TBC1D5: variants seen among roughly 807,000 people sequenced by gnomAD.
TBC1D5 encodes the protein TBC1 domain family member 5, also known as TBC1 domain family, member 5.
A neutral mutation model predicts 100.3 loss-of-function variants in TBC1D5; 75 were observed. The ratio of observed to expected loss-of-function variants is 0.75; its 90% CI spans 0.62 to 0.91. The LOEUF (loss-of-function observed/expected upper bound fraction) is 0.91. Ranked by LOEUF, TBC1D5 falls within the 40% of genes least tolerant of loss-of-function variation. TBC1D5 has a pLI of 0.00. For missense variants in TBC1D5, 910 were observed against 942.4 expected, an observed-to-expected ratio of 0.97 and a Z score of 0.45; for synonymous variants, 323 against 325.6, an observed-to-expected ratio of 0.99 and a Z score of 0.09.
At chr3:17,688,821 A>G (rs1043234236) in intron 1 of TBC1D5, among the ~76,000 whole-genome samples, 1 of 152,028 alleles carries the variant, frequency 6.6e-6, no homozygotes, top group African/African-American at 2.4e-5. Context: ...AAATCCTTCC[A>G]CTTTCTATAT....
chr3:17,312,376 G>A (rs899673270), intron 13 of TBC1D5, among the ~76,000 whole-genome samples: 14 of 152,036 alleles, frequency 9.2e-5, no homozygotes, highest in Non-Finnish European at 2.1e-4. Flanking sequence ...ATTTCAATTA[G>A]GTCTTTAAAA....
chr3:17,540,905 CAAAAAAAAA>C lies in TBC1D5; in HGVS notation c.-35-32309_-35-32301del, dbSNP rs71634807. 5.4e-4 allele frequency among the ~76,000 whole-genome samples: 17 copies of C among 31,462 alleles called. No homozygotes were observed. The South Asian group carries it at 0.012, about 22-fold the overall frequency. 20.6% of individuals were successfully genotyped at this position (31,462 alleles called of 152,430 possible). ...CTGGCGACAGAGCGAGGCTCCATCT[CAAAAAAAAA>C]AAAAAAAAAAAAAAAAAAGTAAGAA... On this transcript the variant is annotated intron_variant, in intron 2 of 21. Transcript: ENST00000253692.
intron 1 of TBC1D5, among the ~76,000 whole-genome samples, chr3:17,660,445 G>A (rs977249796): frequency 9.2e-5 from 14 of 152,182 alleles, no homozygotes; most frequent in African/African-American, 3.4e-4. Context: ...GCAAGTAAGT[G>A]CTTCAGAAAC....
chr3:17,691,620 C>T (rs1473084602), intron 1 of TBC1D5, among the ~76,000 whole-genome samples: 1 of 152,064 alleles, frequency 6.6e-6, no homozygotes, highest in Non-Finnish European at 1.5e-5. Context: ...AGATGGAGAC[C>T]ATCCTGGCCA....
intron 8 of TBC1D5, among the ~76,000 whole-genome samples, chr3:17,389,878 C>A (rs1425101691): frequency 6.6e-6 from 1 of 152,062 alleles, no homozygotes; most frequent in Non-Finnish European, 1.5e-5. Context: ...TCTATTAACT[C>A]ATTAGAAGTC....
exon 1 of TBC1D5, chr3:17,739,635 T>C (rs2077237244): frequency 6.6e-6 from 1 of 152,170 alleles, no homozygotes; most frequent in South Asian, 2.1e-4. Flanking sequence ...AAACTGCAAA[T>C]TTCAGTATCT....
intron 3 of TBC1D5, among the ~76,000 whole-genome samples, chr3:17,486,596 A>C (rs2095571888): frequency 1.3e-5 from 2 of 152,212 alleles, no homozygotes; most frequent in African/African-American, 4.8e-5. Flanking sequence ...ACAACAAATA[A>C]GCTGGCAAAA....
intron 15 of TBC1D5, among the ~76,000 whole-genome samples, chr3:17,260,053 T>C (rs560580208): frequency 1.6e-4 from 25 of 152,224 alleles, no homozygotes; most frequent in Non-Finnish European, 3.1e-4. Context: ...AGGAATTACA[T>C]AGGTTTTCTC....
At chr3:17,252,682 G>A (rs780179099) in intron 16 of TBC1D5, among the ~76,000 whole-genome samples, 2 of 152,184 alleles carry the variant, frequency 1.3e-5, no homozygotes, top group East Asian at 3.9e-4. Context: ...CCTCAGCTTA[G>A]GAGTGCTCCT....
chr3:17,406,596 GGAAATTAATTT>G, intron 4 of TBC1D5, 70 bp from the exon 5 acceptor site: 1 of 1,421,214 alleles, frequency 7.0e-7, no homozygotes. Flanking sequence ...AAGTTCTACG[GGAAATTAATTT>G]TAAGTAAGTC....
At chr3:17,158,395 GATAAT>G (rs1239246996) in exon 22 of TBC1D5, 5 of 152,242 alleles carry the variant, frequency 3.3e-5, no homozygotes, top group South Asian at 4.2e-4. Flanking sequence ...ATAAGTATCT[GATAAT>G]ATAATAAAAA....
At chr3:17,615,080 G>C (rs999953625) in intron 2 of TBC1D5, among the ~76,000 whole-genome samples, 1 of 152,142 alleles carries the variant, frequency 6.6e-6, no homozygotes, top group East Asian at 1.9e-4. Flanking sequence ...TTTATTGAGA[G>C]TTTTTAGCAT....
At chr3:17,630,225 T>C (rs1389230804) in intron 1 of TBC1D5, among the ~76,000 whole-genome samples, 1 of 152,220 alleles carries the variant, frequency 6.6e-6, no homozygotes, top group African/African-American at 2.4e-5. Context: ...CTGACATACC[T>C]ACTTTTATTG....
chr3:17,469,925 A>G (rs1317480808), intron 3 of TBC1D5, among the ~76,000 whole-genome samples: 1 of 152,242 alleles, frequency 6.6e-6, no homozygotes. Context: ...ATAAAAGAAT[A>G]AATGTTTTAC....
intron 3 of TBC1D5, among the ~76,000 whole-genome samples, chr3:17,478,082 T>C (rs935054301): frequency 5.9e-5 from 9 of 152,080 alleles, no homozygotes; most frequent in African/African-American, 1.7e-4. Context: ...ATGCAATACA[T>C]TTTTAATCTG....
rs540755712 is a variant in TBC1D5 at position 17,163,033 on chromosome 3, G to C, written c.2095-1777C>G. Among the ~76,000 whole-genome samples, 4 of 152,326 alleles carry C rather than the reference G, an allele frequency of 2.6e-5. No individual in the cohort carries two copies. The South Asian group carries it at 8.3e-4, about 32-fold the overall frequency. ...TTTTTAGAGTGGTGCCTCTACTTCA[G>C]AGATACTGAGATCACTTATTCTCCT... is the stretch of plus-strand genomic sequence containing the variant. On this transcript the variant is annotated intron_variant, in intron 21 of 21. Coordinates refer to ENST00000253692, the Ensembl canonical transcript of TBC1D5.
At chr3:17,628,986 A>G (rs1436381239) in intron 1 of TBC1D5, among the ~76,000 whole-genome samples, 2 of 152,252 alleles carry the variant, frequency 1.3e-5, no homozygotes, top group Non-Finnish European at 2.9e-5. Context: ...CTGAAAAGAA[A>G]GAAATTAACT....
At chr3:17,206,297 A>G (rs1253279621) in intron 18 of TBC1D5, among the ~76,000 whole-genome samples, 2 of 152,168 alleles carry the variant, frequency 1.3e-5, no homozygotes, top group East Asian at 3.8e-4. Context: ...TGTGGATGAG[A>G]TATTTTAATT....
chr3:17,463,870 C>G (rs2095256286), intron 3 of TBC1D5, among the ~76,000 whole-genome samples: 1 of 151,164 alleles, frequency 6.6e-6, no homozygotes, highest in Non-Finnish European at 1.5e-5. Context: ...CTTCTCACAG[C>G]TGTTGATTTG....
Sources: gnomAD v4.1 joint callset for allele counts (sites outside exome capture counted in the v4.1 genomes callset) on GRCh38, gnomAD v4.1.1 for gene constraint, MANE v1.5 for transcripts, NCBI Gene and HGNC (gene_info 2026-07-23, HGNC 2026-07-21) for gene names.